MAGI3: variants seen among roughly 807,000 people sequenced by gnomAD.
MAGI3 encodes the protein membrane-associated guanylate kinase, WW and PDZ domain-containing protein 3.
In MAGI3, 43 loss-of-function variants were observed where a neutral mutation model predicts 121.8. The ratio of observed to expected loss-of-function variants is 0.35; its 90% CI spans 0.28 to 0.46. The LOEUF (loss-of-function observed/expected upper bound fraction) is 0.46. Ranked by LOEUF, MAGI3 falls within the 20% of genes least tolerant of loss-of-function variation. The pLI is 1.00. For synonymous variants in MAGI3, 553 were observed against 639.3 expected (o/e 0.86, Z 2.04); for missense variants, 1,547 against 1,797.3 (o/e 0.86, Z 2.52).
Position 113,404,441 on chromosome 1 carries a change from G to T in MAGI3, c.316+13092G>T, listed in dbSNP as rs185000937. On this transcript the variant is annotated intron_variant, in intron 1 of 20. Transcript: ENST00000307546. ...TGCATAATAATTTAATAAAAACAAA[G>T]ATAAATACTCAAAACAAATTATTTC... The T allele has an allele frequency of 2.1e-3, 314 of 152,162 alleles. 4 individuals are homozygous for T. Among genetic ancestry groups the T allele is most frequent in the African/African-American group, 7.3e-3 (305 of 41,540 alleles). 9.4% of individuals were successfully genotyped at this position (152,162 alleles called of 1,614,324 possible).
intron 1 of MAGI3, among the ~76,000 whole-genome samples, chr1:113,463,058 T>A (rs1470355739): frequency 1.3e-5 from 2 of 152,008 alleles, no homozygotes; most frequent in Non-Finnish European, 2.9e-5. Flanking sequence ...AAGAATAAAT[T>A]CATGAAATAT....
intron 1 of MAGI3, among the ~76,000 whole-genome samples, chr1:113,428,392 T>C (rs1653127154): frequency 1.3e-5 from 2 of 152,200 alleles, no homozygotes; most frequent in Admixed American, 6.5e-5. Context: ...TGAAAAGACA[T>C]CCTTTGCTCA....
At position 113,641,087 on chromosome 1, in the gene MAGI3, TATATTA is replaced by T. The variant is rs1358184086; in HGVS notation, c.1361-823_1361-818del. 1.8e-4 allele frequency among the ~76,000 whole-genome samples: 4 copies of T among 22,118 alleles called. 1 individual carries two copies. Among genetic ancestry groups the T allele is most frequent in the African/African-American group, 1.0e-3 (4 of 3,932 alleles). The allele number at this position is 22,118 out of a possible 152,430, so 14.5% of individuals were successfully genotyped here. A position where few individuals can be genotyped will look rare whatever the true frequency, so the allele number is the denominator to read the frequency against. On this transcript the variant is annotated intron_variant, in intron 9 of 20. Coordinates refer to ENST00000307546, the MANE Select transcript of MAGI3 (RefSeq NM_001142782.2). ...TGATATATATAATATATATGAGATATATATTATATATATGATATATAAATATATATG... is the reference window on the plus strand; with the variant it reads ...TGATATATATAATATATATGAGATATTATATATGATATATAAATATATATG...
At chr1:113,635,347 A>AT (rs1651934897) in intron 9 of MAGI3, among the ~76,000 whole-genome samples, 1 of 151,488 alleles carries the variant, frequency 6.6e-6, no homozygotes, top group Admixed American at 6.6e-5. Flanking sequence ...ATTCAGTATG[A>AT]TATTGGCTGT....
At chr1:113,408,254 G>A (rs542719705) in intron 1 of MAGI3, among the ~76,000 whole-genome samples, 38 of 152,258 alleles carry the variant, frequency 2.5e-4, no homozygotes, top group Admixed American at 7.9e-4. Context: ...CAGAAAGGAA[G>A]AGAAGCTTAT....
Position 113,684,103 on chromosome 1 carries a change from T to G in MAGI3, c.*89T>G. 1 of 1,347,122 alleles carries G rather than the reference T, an allele frequency of 7.4e-7. No individual in the cohort carries two copies. The highest frequency in any genetic ancestry group is 9.9e-7 in the Non-Finnish European group (1 of 1,011,794). 83.4% of individuals were successfully genotyped at this position (1,347,122 alleles called of 1,614,324 possible). ...AAAGCCTTTTTTTTTTTTTCAGATA[T>G]TCTGAAACAGATAAGTACATGTTAA... On this transcript the variant is annotated 3_prime_UTR_variant, in exon 21 of 21. Transcript: ENST00000307546.
intron 9 of MAGI3, among the ~76,000 whole-genome samples, chr1:113,623,612 C>T (rs916606988): frequency 4.6e-5 from 7 of 151,972 alleles, no homozygotes; most frequent in African/African-American, 1.2e-4. Flanking sequence ...CTCAGCCTCC[C>T]GAGTAGCTGG....
At chr1:113,580,763 T>G in intron 3 of MAGI3, 102 bp downstream of exon 3, 1 of 1,153,492 alleles carries the variant, frequency 8.7e-7, no homozygotes, top group Non-Finnish European at 1.1e-6. Flanking sequence ...TTTGAAAAAC[T>G]TTTTTTCCTC....
At chr1:113,672,085 C>T (rs1423011098) in intron 17 of MAGI3, among the ~76,000 whole-genome samples, 3 of 152,180 alleles carry the variant, frequency 2.0e-5, no homozygotes, top group Non-Finnish European at 4.4e-5. Context: ...GCCTGACATG[C>T]GAGGATTAGA....
At chr1:113,624,216 T>C (rs1400089907) in intron 9 of MAGI3, among the ~76,000 whole-genome samples, 1 of 152,232 alleles carries the variant, frequency 6.6e-6, no homozygotes, top group African/African-American at 2.4e-5. Context: ...CTTGTGGGTA[T>C]ATACTCAGCA....
chr1:113,660,161 T>C (rs1360101176), intron 16 of MAGI3, among the ~76,000 whole-genome samples: 1 of 152,222 alleles, frequency 6.6e-6, no homozygotes, highest in Non-Finnish European at 1.5e-5. Context: ...TTCAAGATGC[T>C]ATAGGGGTTA....
chr1:113,409,996 A>G (rs1439440273), intron 1 of MAGI3, among the ~76,000 whole-genome samples: 1 of 152,094 alleles, frequency 6.6e-6, no homozygotes, highest in Non-Finnish European at 1.5e-5. Context: ...TGATTCTGGA[A>G]AGTATGAGGA....
chr1:113,398,636 G>T (rs1651242454), intron 1 of MAGI3, among the ~76,000 whole-genome samples: 1 of 151,868 alleles, frequency 6.6e-6, no homozygotes, highest in African/African-American at 2.4e-5. Flanking sequence ...ATGAAAAATG[G>T]GATTTTACTA....
intron 1 of MAGI3, among the ~76,000 whole-genome samples, chr1:113,438,572 C>T (rs1001152945): frequency 1.3e-5 from 2 of 152,116 alleles, no homozygotes; most frequent in African/African-American, 4.8e-5. Flanking sequence ...AAGCATGGTA[C>T]CAGCACCTGC....
chr1:113,546,068 T>TA (rs930962544), intron 1 of MAGI3, among the ~76,000 whole-genome samples: 3 of 152,184 alleles, frequency 2.0e-5, no homozygotes, highest in African/African-American at 4.8e-5. Context: ...ACATATTTTT[T>TA]AAAAAAATAC....
chr1:113,572,151 T>A (rs544307872), intron 2 of MAGI3, among the ~76,000 whole-genome samples: 2 of 152,222 alleles, frequency 1.3e-5, no homozygotes, highest in South Asian at 4.1e-4. Context: ...ATTGAGATAA[T>A]CATGTGGTTT....
intron 19 of MAGI3, among the ~76,000 whole-genome samples, chr1:113,674,809 A>G (rs7556589): frequency 0.021 from 3,262 of 152,296 alleles, 117 homozygotes; most frequent in African/African-American, 0.074. Context: ...CAAATAAGAT[A>G]TTATCCTCCC....
rs181725320 is a variant in MAGI3, at chr1:113,558,214, T to C, written c.433+8583T>C. ...TCTCAGAACCAGGCTAAGGCTGAGATGGCTGAAATGAGAGAAGTAGGCTTT... is the reference window on the plus strand; with the variant it reads ...TCTCAGAACCAGGCTAAGGCTGAGACGGCTGAAATGAGAGAAGTAGGCTTT... On this transcript the variant is annotated intron_variant, in intron 2 of 20. Transcript: ENST00000307546. Among the ~76,000 whole-genome samples the C allele has an allele frequency of 2.6e-3, 399 of 152,286 alleles. 1 individual carries two copies. The highest frequency in any genetic ancestry group is 8.3e-3 in the African/African-American group (346 of 41,572).
intron 1 of MAGI3, among the ~76,000 whole-genome samples, chr1:113,400,495 A>T (rs953841616): frequency 6.6e-6 from 1 of 152,108 alleles, no homozygotes; most frequent in Non-Finnish European, 1.5e-5. Context: ...TCATCATAGC[A>T]AGTACTTTGT....
Sources: allele counts gnomAD v4.1 joint callset (sites outside exome capture counted in the v4.1 genomes callset), GRCh38; gene constraint gnomAD v4.1.1; transcripts MANE v1.5; gene names NCBI Gene and HGNC (gene_info 2026-07-23, HGNC 2026-07-21).